Variants in SUPT3H observed in about 807,000 individuals in gnomAD.
SUPT3H encodes SPT3 homolog, SAGA and STAGA complex component, also known as transcription initiation protein SPT3 homolog.
SUPT3H carries 44 observed loss-of-function variants against 44.3 expected under a neutral mutation model. That is an observed-to-expected ratio of 0.99 (90% confidence interval 0.78 to 1.28). The LOEUF (loss-of-function observed/expected upper bound fraction) is 1.28. SUPT3H is among the 50% of genes most tolerant of loss of function. The probability of loss-of-function intolerance (pLI) is 0.00; values close to 1 mark genes in which losing one functional copy is unlikely to be tolerated. For synonymous variants in SUPT3H, 124 were observed against 125.6 expected, an observed-to-expected ratio of 0.99 and a Z score of 0.09; for missense variants, 380 against 387.1, an observed-to-expected ratio of 0.98 and a Z score of 0.15.
chr6:45,045,431 T>C (rs1218202465), intron 3 of SUPT3H, among the ~76,000 whole-genome samples: 1 of 152,156 alleles, frequency 6.6e-6, no homozygotes, highest in African/African-American at 2.4e-5. Flanking sequence ...AGTCATGTAG[T>C]TGTAAATGCA....
At chr6:44,975,598 G>A (rs1403820096) in intron 6 of SUPT3H, among the ~76,000 whole-genome samples, 1 of 152,084 alleles carries the variant, frequency 6.6e-6, no homozygotes, top group Middle Eastern at 3.2e-3. Flanking sequence ...GGGAGGGGGT[G>A]AGGGATAAAA....
chr6:44,996,823 G>T (rs1386825128), intron 6 of SUPT3H, among the ~76,000 whole-genome samples: 2 of 151,644 alleles, frequency 1.3e-5, no homozygotes, highest in African/African-American at 2.4e-5. Context: ...TAATATTCTG[G>T]AATGTATTTT....
At chr6:45,188,680 T>C (rs897187433) in intron 2 of SUPT3H, among the ~76,000 whole-genome samples, 2 of 152,072 alleles carry the variant, frequency 1.3e-5, no homozygotes, top group African/African-American at 4.8e-5. Context: ...GATATTTATA[T>C]GATCATATAA....
intron 2 of SUPT3H, among the ~76,000 whole-genome samples, chr6:45,183,555 G>A (rs536268522): frequency 3.3e-5 from 5 of 152,280 alleles, no homozygotes; most frequent in African/African-American, 1.2e-4. Flanking sequence ...CAGCTCTTGC[G>A]TGAACTCAGA....
At chr6:45,331,192 CTT>C (rs1787437250) in intron 2 of SUPT3H, among the ~76,000 whole-genome samples, 1 of 151,914 alleles carries the variant, frequency 6.6e-6, no homozygotes, top group South Asian at 2.1e-4. Flanking sequence ...GCATACTTCA[CTT>C]TGAGTTAATC....
intron 2 of SUPT3H, among the ~76,000 whole-genome samples, chr6:45,143,046 C>T (rs1805503619): frequency 6.6e-6 from 1 of 151,912 alleles, no homozygotes; most frequent in Admixed American, 6.6e-5. Context: ...CACTGGAGCT[C>T]CCAAGTTTAT....
chr6:45,142,736 C>CAAAAAA (rs70993502), intron 2 of SUPT3H, among the ~76,000 whole-genome samples: 168 of 14,966 alleles, frequency 0.011, 36 homozygotes, highest in Non-Finnish European at 0.013. Flanking sequence ...AACTCCGTCT[C>CAAAAAA]AAAAAAAAAA....
At chr6:45,264,049 G>GA (rs772258092) in intron 2 of SUPT3H, among the ~76,000 whole-genome samples, 5 of 151,964 alleles carry the variant, frequency 3.3e-5, no homozygotes, top group Non-Finnish European at 7.4e-5. Context: ...TCAATTTACA[G>GA]AAAAAAATTA....
intron 2 of SUPT3H, among the ~76,000 whole-genome samples, chr6:45,302,059 T>C (rs183623003): frequency 0.017 from 2,662 of 152,284 alleles, 50 homozygotes; most frequent in South Asian, 0.085. Context: ...GCCAGCATGA[T>C]AAGGAAGTCC....
At chr6:45,065,806 T>C (rs889315759) in intron 3 of SUPT3H, among the ~76,000 whole-genome samples, 2 of 151,590 alleles carry the variant, frequency 1.3e-5, no homozygotes, top group African/African-American at 4.9e-5. Context: ...GCTGAAATTA[T>C]GGCAATAATC....
At chr6:45,027,960 T>C (rs908295278) in intron 3 of SUPT3H, among the ~76,000 whole-genome samples, 1 of 152,192 alleles carries the variant, frequency 6.6e-6, no homozygotes, top group Non-Finnish European at 1.5e-5. Flanking sequence ...ACTTTTACTA[T>C]TGTTCTTTTT....
At chr6:44,926,874 C>T (rs549887881) in intron 10 of SUPT3H, among the ~76,000 whole-genome samples, 8 of 152,214 alleles carry the variant, frequency 5.3e-5, no homozygotes, top group African/African-American at 4.8e-5. Flanking sequence ...TAATATTCAA[C>T]GCTGATTTGA....
chr6:45,117,086 T>C (rs1332519884), intron 2 of SUPT3H, among the ~76,000 whole-genome samples: 1 of 152,108 alleles, frequency 6.6e-6, no homozygotes, highest in African/African-American at 2.4e-5. Context: ...ATTTGATTTA[T>C]ATATTTAGGT....
intron 10 of SUPT3H, among the ~76,000 whole-genome samples, chr6:44,858,545 A>T (rs1774103449): frequency 6.6e-6 from 1 of 152,202 alleles, no homozygotes; most frequent in African/African-American, 2.4e-5. Flanking sequence ...GTGAAGAGTA[A>T]CTGCTAATTG....
At position 45,163,162 on chromosome 6, in the gene SUPT3H, T is replaced by C. The variant is rs559349415; in HGVS notation, c.102-57156A>G. On this transcript the variant is annotated intron_variant, in intron 2 of 10. Coordinates refer to ENST00000371459, the MANE Select transcript of SUPT3H (RefSeq NM_003599.4). ...GTATTTCCAGACTTTCTAGGTGAAC[T>C]GCAGATAACTGGAAACAACTTAAAA... Among the ~76,000 whole-genome samples, 5 of 152,328 alleles carry C rather than the reference T, an allele frequency of 3.3e-5. No individual in the cohort carries two copies. In the South Asian group the frequency reaches 1.0e-3, roughly 32 times the overall value.
intron 10 of SUPT3H, among the ~76,000 whole-genome samples, chr6:44,830,241 A>G (rs989397504): frequency 1.6e-4 from 24 of 152,168 alleles, no homozygotes; most frequent in African/African-American, 5.3e-4. Flanking sequence ...TAGTCTATAA[A>G]TTACTGACTC....
chr6:45,275,551 T>C (rs970246071), intron 2 of SUPT3H, among the ~76,000 whole-genome samples: 4 of 152,166 alleles, frequency 2.6e-5, no homozygotes, highest in African/African-American at 7.2e-5. Context: ...ACTAAGAAGA[T>C]AGAATATTTA....
chr6:45,030,362 T>C (rs976521329), intron 3 of SUPT3H, among the ~76,000 whole-genome samples: 1 of 152,354 alleles, frequency 6.6e-6, no homozygotes, highest in African/African-American at 2.4e-5. Context: ...CTCAGCTTAC[T>C]TCTTGGCATG....
intron 6 of SUPT3H, among the ~76,000 whole-genome samples, chr6:44,982,848 G>A (rs1166429138): frequency 6.6e-6 from 1 of 152,156 alleles, no homozygotes; most frequent in Non-Finnish European, 1.5e-5. Flanking sequence ...AAAAGGATAG[G>A]AAAAACACCA....
Sources: allele counts gnomAD v4.1 joint callset (sites outside exome capture counted in the v4.1 genomes callset), GRCh38; gene constraint gnomAD v4.1.1; transcripts MANE v1.5; gene names NCBI Gene and HGNC (gene_info 2026-07-23, HGNC 2026-07-21).